STEAP1B: variants seen among roughly 807,000 people sequenced by gnomAD.
STEAP1B encodes the protein STEAP family protein MGC87042.
In STEAP1B, 13 loss-of-function variants were observed where a neutral mutation model predicts 27.9. The observed-to-expected ratio is 0.47, with a 90% CI of 0.30 to 0.74. The LOEUF (loss-of-function observed/expected upper bound fraction) is 0.74, where lower values mean the gene tolerates loss of function less well. STEAP1B is among the 30% of genes least tolerant of loss of function. STEAP1B has a pLI of 0.06. For missense variants in STEAP1B, 250 were observed against 298.7 expected (o/e 0.84, Z 1.20); for synonymous variants, 86 against 107.1 (o/e 0.80, Z 1.22).
At position 22,423,569 on chromosome 7, in the gene STEAP1B, A is replaced by G. The variant is rs867554427; in HGVS notation, c.763-3733T>C. On this transcript the variant is annotated intron_variant, in intron 4 of 4. Coordinates refer to ENST00000678116, the MANE Select transcript of STEAP1B (RefSeq NM_001382447.1). The stretch of plus-strand genomic sequence containing the variant: ...GAAACGTCCAGGAATAGGGAAATCC[A>G]TAGAGACAGAAAGTTGACGTTTGCC... Among the ~76,000 whole-genome samples, 7 of 152,366 alleles carry G rather than the reference A, an allele frequency of 4.6e-5. 1 individual carries two copies. In the Middle Eastern group the frequency reaches 0.02, roughly 444 times the overall value.
intron 4 of STEAP1B, among the ~76,000 whole-genome samples, chr7:22,467,583 C>T (rs942541818): frequency 2.0e-5 from 3 of 152,098 alleles, no homozygotes; most frequent in African/African-American, 2.4e-5. Context: ...GGGGCGATTC[C>T]CCCCATACTG....
chr7:22,444,295 G>A (rs1785376323), intron 4 of STEAP1B, among the ~76,000 whole-genome samples: 1 of 152,188 alleles, frequency 6.6e-6, no homozygotes, highest in Admixed American at 6.5e-5. Context: ...ACACAGCACT[G>A]TGCAAGGCAG....
chr7:22,482,025 G>A (rs558434863), intron 4 of STEAP1B, among the ~76,000 whole-genome samples: 13 of 152,318 alleles, frequency 8.5e-5, no homozygotes, highest in African/African-American at 2.9e-4. Flanking sequence ...TGTTCTCTCT[G>A]GAAACTGACT....
chr7:22,451,512 TTAATA>T (rs1433959335), intron 4 of STEAP1B, among the ~76,000 whole-genome samples: 1 of 152,238 alleles, frequency 6.6e-6, no homozygotes, highest in Non-Finnish European at 1.5e-5. Flanking sequence ...TTTTCCCCAT[TTAATA>T]TAATATAGCT....
intron 4 of STEAP1B, among the ~76,000 whole-genome samples, chr7:22,427,005 C>A (rs1002086294): frequency 2.0e-5 from 3 of 152,084 alleles, no homozygotes; most frequent in African/African-American, 7.2e-5. Context: ...GTTGAGGGGA[C>A]GTCAAGTACA....
chr7:22,489,305 G>A (rs1426862800), intron 4 of STEAP1B, among the ~76,000 whole-genome samples: 1 of 152,134 alleles, frequency 6.6e-6, no homozygotes, highest in Non-Finnish European at 1.5e-5. Context: ...TACGGTCAAA[G>A]CACCATACTT....
chr7:22,468,896 A>G (rs957628387), intron 4 of STEAP1B, among the ~76,000 whole-genome samples: 36 of 152,256 alleles, frequency 2.4e-4, no homozygotes, highest in African/African-American at 8.0e-4. Context: ...CCAGTCATAC[A>G]AAAGCACTGC....
chr7:22,439,025 TG>T (rs1192297628), intron 4 of STEAP1B, among the ~76,000 whole-genome samples: 3 of 152,180 alleles, frequency 2.0e-5, no homozygotes, highest in Admixed American at 6.5e-5. Context: ...ATATGTAACT[TG>T]TAAATGATAG....
At chr7:22,422,710 G>T (rs188113589) in intron 4 of STEAP1B, among the ~76,000 whole-genome samples, 54 of 152,254 alleles carry the variant, frequency 3.5e-4, no homozygotes, top group African/African-American at 1.3e-3. Flanking sequence ...GGCCAGGTTG[G>T]TCTCGAACTC....
intron 4 of STEAP1B, among the ~76,000 whole-genome samples, chr7:22,425,254 T>C (rs1785091365): frequency 6.6e-6 from 1 of 152,220 alleles, no homozygotes; most frequent in Non-Finnish European, 1.5e-5. Context: ...TACTCTGTAC[T>C]GTTCATATAC....
chr7:22,434,708 G>A (rs767607348), intron 4 of STEAP1B, among the ~76,000 whole-genome samples: 27 of 152,168 alleles, frequency 1.8e-4, no homozygotes, highest in African/African-American at 5.8e-4. Flanking sequence ...CCTTATGCTC[G>A]AAGAGCACAT....
chr7:22,456,210 A>C (rs541947031), intron 4 of STEAP1B, among the ~76,000 whole-genome samples: 2 of 152,248 alleles, frequency 1.3e-5, no homozygotes, highest in African/African-American at 4.8e-5. Flanking sequence ...CCACCAGTTC[A>C]ATTACTGCAA....
chr7:22,426,655 A>G (rs1434157849), intron 4 of STEAP1B, among the ~76,000 whole-genome samples: 1 of 152,220 alleles, frequency 6.6e-6, no homozygotes, highest in African/African-American at 2.4e-5. Context: ...TAGGAACTTC[A>G]AGCCAATACA....
intron 4 of STEAP1B, among the ~76,000 whole-genome samples, chr7:22,440,805 G>C (rs988610362): frequency 3.3e-5 from 5 of 151,916 alleles, no homozygotes; most frequent in Admixed American, 6.6e-5. Flanking sequence ...AAATATGCTA[G>C]TGACATACTG....
chr7:22,420,502 C>T (rs142708764), intron 4 of STEAP1B, among the ~76,000 whole-genome samples: 11 of 152,382 alleles, frequency 7.2e-5, no homozygotes, highest in Non-Finnish European at 1.3e-4. Flanking sequence ...GGCTTGAAGT[C>T]AGCCATGGCA....
In STEAP1B at chr7:22,492,587, C is replaced by G. The variant is rs753947126; in HGVS notation, c.740G>C (p.Trp247Ser). ...SIPSVSDSLT[W>S]REFHYIQVHG... is the part of the protein sequence containing the mutation. ...TACCTGAATATAGTGAAATTCTCTC[C>G]ATGTCAAAGAGTCACTCACAGATGG... is the stretch of plus-strand genomic sequence containing the variant. Residue 247 changes from tryptophan (W) to serine (S), a missense_variant, in exon 4 of 5, where the codon TGG (tryptophan) becomes TCG (serine). Transcript: ENST00000678116. 2 of 1,600,314 alleles carry G rather than the reference C, an allele frequency of 1.2e-6. No individual in the cohort carries two copies. The highest frequency in any genetic ancestry group is 2.3e-5 in the South Asian group (2 of 87,386).
intron 4 of STEAP1B, among the ~76,000 whole-genome samples, chr7:22,432,845 A>C (rs527453997): frequency 1.3e-5 from 2 of 152,206 alleles, no homozygotes; most frequent in African/African-American, 2.4e-5. Context: ...TACGGATTAC[A>C]TAGGTAAGCA....
intron 4 of STEAP1B, among the ~76,000 whole-genome samples, chr7:22,462,478 G>A (rs1180929351): frequency 9.2e-5 from 12 of 130,456 alleles, no homozygotes; most frequent in East Asian, 2.2e-4. Flanking sequence ...GAGAATACGC[G>A]GTGTTTGGTT....
chr7:22,499,370 CGA>C, intron 1 of STEAP1B, among the ~76,000 whole-genome samples: 1 of 145,306 alleles, frequency 6.9e-6, no homozygotes, highest in African/African-American at 2.7e-5. Flanking sequence ...TAAGTGAAGT[CGA>C]GTTTTTTGGG....
Sources: gnomAD v4.1 joint callset for allele counts (sites outside exome capture counted in the v4.1 genomes callset) on GRCh38, gnomAD v4.1.1 for gene constraint, MANE v1.5 for transcripts, NCBI Gene and HGNC (gene_info 2026-07-23, HGNC 2026-07-21) for gene names.